AKAP19: variants seen among roughly 807,000 people sequenced by gnomAD.
AKAP19 encodes the protein small A-kinase anchoring protein.
At chr2:189,900,368 TG>T in the AKAP19 span, among the ~76,000 whole-genome samples, 2 of 152,176 alleles carry the variant, frequency 1.3e-5, no homozygotes, top group African/African-American at 4.8e-5. Flanking sequence ...GAAGATGTTT[TG>T]CATATTATCA....
At chr2:190,052,401 A>G in the AKAP19 span, among the ~76,000 whole-genome samples, 13 of 152,312 alleles carry the variant, frequency 8.5e-5, no homozygotes, top group South Asian at 1.9e-3. Flanking sequence ...CCAGTGTTTT[A>G]TGCTTGATTG....
the AKAP19 span, among the ~76,000 whole-genome samples, chr2:190,059,488 C>T: frequency 6.6e-6 from 1 of 151,860 alleles, no homozygotes; most frequent in Non-Finnish European, 1.5e-5. Context: ...TATATACACA[C>T]ATCAGTGCAT....
At chr2:190,198,716 G>T in the AKAP19 span, among the ~76,000 whole-genome samples, 3 of 126,086 alleles carry the variant, frequency 2.4e-5, no homozygotes, top group South Asian at 5.0e-4. Context: ...CCAAAACTAA[G>T]ATACAATCAG....
At chr2:190,161,710 G>T in the AKAP19 span, among the ~76,000 whole-genome samples, 6 of 152,154 alleles carry the variant, frequency 3.9e-5, no homozygotes, top group Admixed American at 1.3e-4. Flanking sequence ...GTATTCTCTT[G>T]TTGGATCAGA....
chr2:190,048,483 C>T, the AKAP19 span, among the ~76,000 whole-genome samples: 8 of 152,302 alleles, frequency 5.3e-5, no homozygotes, highest in African/African-American at 1.9e-4. Flanking sequence ...AGTGAGAATT[C>T]CTGTCAGACA....
chr2:189,951,223 A>G, the AKAP19 span, among the ~76,000 whole-genome samples: 2 of 108,614 alleles, frequency 1.8e-5, no homozygotes, highest in African/African-American at 7.7e-5. Flanking sequence ...TTTTTTTGAG[A>G]CAGAGTCTTG....
the AKAP19 span, among the ~76,000 whole-genome samples, chr2:190,141,828 T>C: frequency 6.6e-6 from 1 of 152,208 alleles, no homozygotes; most frequent in African/African-American, 2.4e-5. Flanking sequence ...AAGCTTTATA[T>C]TGCAAGTTGA....
At chr2:190,005,050 T>G in the AKAP19 span, among the ~76,000 whole-genome samples, 1 of 152,188 alleles carries the variant, frequency 6.6e-6, no homozygotes, top group Non-Finnish European at 1.5e-5. Context: ...TGTCCAGATG[T>G]GTCCTGAGTT....
At chr2:190,120,617 C>G in the AKAP19 span, among the ~76,000 whole-genome samples, 30 of 152,158 alleles carry the variant, frequency 2.0e-4, no homozygotes, top group Admixed American at 8.5e-4. Context: ...CTTTAATTCC[C>G]TATGTTTTTG....
chr2:189,904,830 G>C, the AKAP19 span, among the ~76,000 whole-genome samples: 3 of 151,932 alleles, frequency 2.0e-5, no homozygotes, highest in Non-Finnish European at 4.4e-5. Context: ...GAAAGTCATT[G>C]ATCTCCTTTG....
At chr2:189,887,995 C>G in the AKAP19 span, among the ~76,000 whole-genome samples, 3 of 152,054 alleles carry the variant, frequency 2.0e-5, no homozygotes, top group Non-Finnish European at 4.4e-5. Flanking sequence ...CTTTTGTTGC[C>G]ATTGCTTTTG....
chr2:189,962,323 T>G, the AKAP19 span, among the ~76,000 whole-genome samples: 16 of 152,300 alleles, frequency 1.1e-4, no homozygotes, highest in African/African-American at 3.6e-4. Context: ...GTATACTCTA[T>G]GATGTTTGCC....
chr2:190,202,631 T>G, the AKAP19 span: 5 of 166,708 alleles, frequency 3.0e-5, no homozygotes, highest in African/African-American at 9.7e-5. Flanking sequence ...TAAAAGAGAG[T>G]AGAAGGACTG....
chr2:189,934,121 T>A, the AKAP19 span, among the ~76,000 whole-genome samples: 7 of 152,240 alleles, frequency 4.6e-5, no homozygotes, highest in African/African-American at 1.7e-4. Context: ...ATTCAAAGAA[T>A]GTTGAGTCAG....
At chr2:189,966,559 AGTT>A in the AKAP19 span, among the ~76,000 whole-genome samples, 1 of 152,198 alleles carries the variant, frequency 6.6e-6, no homozygotes, top group Non-Finnish European at 1.5e-5. Context: ...GGAAGGTGGG[AGTT>A]GTTATAAAAG....
the AKAP19 span, among the ~76,000 whole-genome samples, chr2:190,021,574 T>G: frequency 6.6e-6 from 1 of 152,232 alleles, no homozygotes; most frequent in Non-Finnish European, 1.5e-5. Context: ...CAGCTGTAAG[T>G]GCCTTCAGAA....
chr2:189,896,849 A>G, the AKAP19 span, among the ~76,000 whole-genome samples: 4 of 152,132 alleles, frequency 2.6e-5, no homozygotes, highest in Admixed American at 2.6e-4. Context: ...TGGTAGTTCA[A>G]AAGAAGCACA....
At chr2:189,994,248 G>A in the AKAP19 span, among the ~76,000 whole-genome samples, 1 of 152,042 alleles carries the variant, frequency 6.6e-6, no homozygotes, top group African/African-American at 2.4e-5. Flanking sequence ...CTGAACTCAG[G>A]TGATCCACCT....
chr2:190,031,464 A>G, the AKAP19 span, among the ~76,000 whole-genome samples: 1 of 152,332 alleles, frequency 6.6e-6, no homozygotes, highest in Admixed American at 6.5e-5. Context: ...CCATTATCTT[A>G]CTTAAAATAT....
Sources: allele counts gnomAD v4.1 joint callset (sites outside exome capture counted in the v4.1 genomes callset), GRCh38; gene constraint gnomAD v4.1.1; transcripts MANE v1.5; gene names NCBI Gene and HGNC (gene_info 2026-07-23, HGNC 2026-07-21).